Variants in PALM observed in about 807,000 individuals in gnomAD.
PALM encodes the protein paralemmin-1.
PALM carries 18 observed loss-of-function variants against 30.7 expected under a neutral mutation model. The observed-to-expected ratio is 0.59, with a 90% CI of 0.41 to 0.87. The LOEUF (loss-of-function observed/expected upper bound fraction) is 0.87, where lower values mean the gene tolerates loss of function less well. Ranked by LOEUF, PALM falls within the 40% of genes least tolerant of loss-of-function variation. The pLI, the probability that PALM is intolerant of heterozygous loss-of-function variation, is 0.00. For synonymous variants in PALM, 286 were observed against 242.8 expected (o/e 1.18, Z -1.66); for missense variants, 529 against 555.4 (o/e 0.95, Z 0.48).
intron 1 of PALM, chr19:722,771 A>G (rs2032533089): frequency 6.6e-6 from 1 of 152,322 alleles, no homozygotes; most frequent in African/African-American, 2.4e-5. Flanking sequence ...AGGGCCCCCA[A>G]GCCAGAAAGC....
At position 747,096 on chromosome 19, in the gene PALM, G is replaced by A. The variant is rs2033371725; in HGVS notation, c.*282G>A. ...CGAGACAAGGACCCCCCATGTCACG[G>A]CAGCTTCACAGACGCGGCTCGCGCC... On this transcript the variant is annotated 3_prime_UTR_variant, in exon 9 of 9. Transcript: ENST00000338448. 1 of 386,208 alleles carries A rather than the reference G, an allele frequency of 2.6e-6. No individual in the cohort carries two copies. Among genetic ancestry groups the A allele is most frequent in the Non-Finnish European group, 4.7e-6 (1 of 213,192 alleles). The allele number at this position is 386,208 out of a possible 1,614,324, so 23.9% of individuals were successfully genotyped here.
intron 3 of PALM, 140 bp downstream of exon 3, chr19:727,228 C>T (rs2032704325): frequency 5.4e-6 from 3 of 557,930 alleles, no homozygotes; most frequent in African/African-American, 2.7e-5. Context: ...CTGACCCCGA[C>T]CCTGACCCCG....
intron 1 of PALM, among the ~76,000 whole-genome samples, chr19:716,423 AAAAG>A (rs1177749882): frequency 5.3e-5 from 8 of 151,868 alleles, no homozygotes; most frequent in Admixed American, 3.9e-4. Flanking sequence ...AAAAAAAAAA[AAAAG>A]AAAGTTTAGA....
chr19:710,755 C>T lies in PALM; in HGVS notation c.5+1604C>T, dbSNP rs191186376. 6.6e-5 allele frequency among the ~76,000 whole-genome samples: 10 copies of T among 151,768 alleles called. No homozygotes were observed. In the East Asian group the frequency reaches 1.8e-3, roughly 27 times the overall value. On this transcript the variant is annotated intron_variant, in intron 1 of 8. Coordinates refer to ENST00000338448, the MANE Select transcript of PALM (RefSeq NM_002579.3). ...CTCCGTCCTGGGTCAGAGGGTGGCC[C>T]ACAGGTCCCCCATTGGGTCATCATT...
At chr19:710,892 G>A (rs1268726506) in intron 1 of PALM, among the ~76,000 whole-genome samples, 2 of 152,220 alleles carry the variant, frequency 1.3e-5, no homozygotes, top group African/African-American at 4.8e-5. Context: ...GGTGGGGACA[G>A]GCCCATCTGG....
rs375298878 is a variant in PALM, at chr19:746,408, C to A, written c.758C>A (p.Ala253Glu). 1.2e-6 allele frequency: 2 copies of A among 1,611,980 alleles called. No individual in the cohort carries two copies. The highest frequency in any genetic ancestry group is 2.2e-5 in the South Asian group (2 of 90,966). The change falls in exon 9 of 9, where the codon GCG becomes GAG. Residue 253 changes from alanine (A) to glutamate (E), a missense_variant. Transcript: ENST00000338448. The surrounding 1 kb of genome is among the most constrained non-coding windows in gnomAD (Gnocchi z 7.1). ...AGCGAGGCAGGGTCCACGGCCGGGG[C>A]GGCAGAGACCCGGGGGGCTGTGGAG... is the stretch of plus-strand genomic sequence containing the variant. The part of the protein sequence containing the change: ...TLSEAGSTAG[A>E]AETRGAVEGA...
intron 1 of PALM, among the ~76,000 whole-genome samples, 191 bp from the exon 2 acceptor site, chr19:725,947 C>A (rs2032645593): frequency 6.6e-6 from 1 of 152,226 alleles, no homozygotes; most frequent in Non-Finnish European, 1.5e-5. Flanking sequence ...CTCGTCCCCT[C>A]CTGTCCTGGC....
At position 709,462 on chromosome 19, in the gene PALM, G is replaced by T. The variant is rs1007253078; in HGVS notation, c.5+311G>T. ...TCGCGTCTCCGCCCGCGCCCCGCCCGCGTCTCCAGGGCGAGCCTCGGCTCT... is the reference window on the plus strand; with the variant it reads ...TCGCGTCTCCGCCCGCGCCCCGCCCTCGTCTCCAGGGCGAGCCTCGGCTCT... On this transcript the variant is annotated intron_variant, in intron 1 of 8. Coordinates refer to ENST00000338448, the MANE Select transcript of PALM (RefSeq NM_002579.3). This position sits in a 1 kb window ranked among gnomAD's most constrained non-coding sequence, Gnocchi z 4.3. Among the ~76,000 whole-genome samples, 18 of 152,000 alleles carry T rather than the reference G, an allele frequency of 1.2e-4. No individual in the cohort carries two copies. Among genetic ancestry groups the T allele is most frequent in the African/African-American group, 4.1e-4 (17 of 41,508 alleles).
At chr19:719,206 C>A in intron 1 of PALM, 1 of 985,588 alleles carries the variant, frequency 1.0e-6, no homozygotes, top group Non-Finnish European at 1.2e-6. Flanking sequence ...CCCACACACG[C>A]CCCTCCCGCC....
Position 740,483 on chromosome 19 carries a change from G to A in PALM, c.634G>A (p.Val212Met), listed in dbSNP as rs1238372926. ...GIKVYEDETK[V>M]VHAVDGTAEN... ...CAAAGTCTACGAGGACGAGACCAAA[G>A]GTACGAGCACCCCGGCCCCTGCCCT... The change falls in exon 8 of 9, where the codon GTG (valine) becomes ATG (methionine). Residue 212 changes from valine to methionine, a missense_variant and splice_region_variant. By Grantham distance (21) the Val-to-Met change is conservative (BLOSUM62 1). Transcript: ENST00000338448. 2 of 1,550,548 alleles carry A rather than the reference G, an allele frequency of 1.3e-6. No individual in the cohort carries two copies. Among genetic ancestry groups the A allele is most frequent in the East Asian group, 2.4e-5 (1 of 40,944 alleles).
At chr19:718,322 G>A (rs918328704) in intron 1 of PALM, among the ~76,000 whole-genome samples, 1 of 152,244 alleles carries the variant, frequency 6.6e-6, no homozygotes, top group Non-Finnish European at 1.5e-5. Context: ...GAGGCCCGGG[G>A]AGGTCTGGGT....
At chr19:732,062 G>A (rs562532437) in intron 5 of PALM, among the ~76,000 whole-genome samples, 71 of 147,022 alleles carry the variant, frequency 4.8e-4, no homozygotes, top group African/African-American at 1.6e-3. Context: ...CTGCAGCCTC[G>A]ACTTCCCCAG....
rs188865528 is a variant in PALM, at chr19:747,579, G to A, written c.*765G>A. 24 of 152,970 alleles carry A rather than the reference G, an allele frequency of 1.6e-4. No homozygotes were observed. The highest frequency in any genetic ancestry group is 5.3e-4 in the African/African-American group (22 of 41,566). 9.5% of individuals were successfully genotyped at this position (152,970 alleles called of 1,614,324 possible). A position where few individuals can be genotyped will look rare whatever the true frequency, so the allele number is the denominator to read the frequency against. On this transcript the variant is annotated 3_prime_UTR_variant, in exon 9 of 9. Coordinates refer to ENST00000338448, the MANE Select transcript of PALM (RefSeq NM_002579.3). ...GCAGGGACCGAGTGAGCCACTCCTT[G>A]TCCCGAGCTCCCGCCCCCACTGGGC...
chr19:724,205 C>A (rs1000475053), intron 1 of PALM, among the ~76,000 whole-genome samples: 1 of 151,986 alleles, frequency 6.6e-6, no homozygotes, highest in African/African-American at 2.4e-5. Flanking sequence ...GTGGGGGTGG[C>A]GAGGGCTTCG....
intron 1 of PALM, among the ~76,000 whole-genome samples, chr19:718,873 G>T (rs2032359137): frequency 6.6e-6 from 1 of 152,078 alleles, no homozygotes; most frequent in African/African-American, 2.4e-5. Context: ...AGCAGGGCAG[G>T]GCGGTGGAGG....
chr19:721,334 C>T (rs190425508), intron 1 of PALM, among the ~76,000 whole-genome samples: 31 of 152,192 alleles, frequency 2.0e-4, no homozygotes, highest in African/African-American at 5.8e-4. Context: ...GGCACGATCT[C>T]GGCTCACTGC....
Position 747,245 on chromosome 19 carries a change from C to T in PALM, c.*431C>T, listed in dbSNP as rs113424036. 3,002 of 175,152 alleles carry T rather than the reference C, an allele frequency of 0.017. 40 individuals carry two copies. The highest frequency in any genetic ancestry group is 0.044 in the African/African-American group (1,837 of 41,778). The allele number at this position is 175,152 out of a possible 1,614,324, so 10.8% of individuals were successfully genotyped here. On this transcript the variant is annotated 3_prime_UTR_variant, in exon 9 of 9. Coordinates refer to ENST00000338448, the MANE Select transcript of PALM (RefSeq NM_002579.3). ...CCCCGCCAGAGAGGGCCCCGGGAGC[C>T]GGGGGTGGGTACTGAGGCCTGCTCA...
At chr19:740,878 C>T (rs1288224121) in intron 8 of PALM, among the ~76,000 whole-genome samples, 2 of 152,008 alleles carry the variant, frequency 1.3e-5, no homozygotes, top group African/African-American at 4.8e-5. Flanking sequence ...CGCCTTTAGT[C>T]CCAGCACTTT....
chr19:735,898 A>G, intron 6 of PALM, 121 bp from the exon 7 acceptor site: 1 of 770,496 alleles, frequency 1.3e-6, no homozygotes, highest in Non-Finnish European at 2.1e-6. Flanking sequence ...TGGGTGTCAA[A>G]GGCCCAGGTG....
Sources: allele counts gnomAD v4.1 joint callset (sites outside exome capture counted in the v4.1 genomes callset), GRCh38; gene constraint gnomAD v4.1.1; non-coding constraint Gnocchi (gnomAD v3.1); transcripts MANE v1.5; gene names NCBI Gene and HGNC (gene_info 2026-07-23, HGNC 2026-07-21).